ANKRD30B: variants seen among roughly 807,000 people sequenced by gnomAD.
ANKRD30B encodes ankyrin repeat domain 30B, also known as ankyrin repeat domain-containing protein 30B.
In ANKRD30B, 144 loss-of-function variants were observed where a neutral mutation model predicts 202.2. The ratio of observed to expected loss-of-function variants is 0.71; its 90% CI spans 0.62 to 0.82. ANKRD30B has a LOEUF of 0.82. Among genes scored for constraint, ANKRD30B ranks in the 40% least tolerant of loss-of-function variants. The pLI, the probability that ANKRD30B is intolerant of heterozygous loss-of-function variation, is 0.00. For synonymous variants in ANKRD30B, 508 were observed against 561.3 expected (o/e 0.91, Z 1.34); for missense variants, 1,487 against 1,669.1 (o/e 0.89, Z 1.90).
intron 18 of ANKRD30B, among the ~76,000 whole-genome samples, chr18:14,796,755 C>T (rs1281564401): frequency 2.0e-5 from 3 of 148,034 alleles, no homozygotes; most frequent in Non-Finnish European, 3.0e-5. Flanking sequence ...ACCACCTTGT[C>T]GTCCCGTAGT....
intron 34 of ANKRD30B, among the ~76,000 whole-genome samples, chr18:14,834,506 G>T (rs1409152532): frequency 1.3e-5 from 2 of 151,910 alleles, no homozygotes; most frequent in African/African-American, 2.4e-5. Flanking sequence ...TAAAAGATAT[G>T]ATATAAATTA....
chr18:14,901,075 A>G, the ANKRD30B span, among the ~76,000 whole-genome samples: 7 of 152,238 alleles, frequency 4.6e-5, no homozygotes, highest in Non-Finnish European at 8.8e-5. Flanking sequence ...TTCTAAGCTG[A>G]ATAACTAAAT....
chr18:14,885,278 T>C, the ANKRD30B span, among the ~76,000 whole-genome samples: 1 of 152,180 alleles, frequency 6.6e-6, no homozygotes, highest in South Asian at 2.1e-4. Flanking sequence ...AGGCAAAGAC[T>C]TTCTCATGTA....
At chr18:14,911,353 T>C in the ANKRD30B span, among the ~76,000 whole-genome samples, 1 of 152,156 alleles carries the variant, frequency 6.6e-6, no homozygotes, top group Non-Finnish European at 1.5e-5. Context: ...GCAATCCAAT[T>C]TTACCAGAAC....
At chr18:14,864,163 C>T in the ANKRD30B span, among the ~76,000 whole-genome samples, 1 of 152,072 alleles carries the variant, frequency 6.6e-6, no homozygotes, top group African/African-American at 2.4e-5. Flanking sequence ...GGAGAAACCC[C>T]ATTTAGAACT....
At chr18:14,895,995 G>A in the ANKRD30B span, among the ~76,000 whole-genome samples, 5 of 152,272 alleles carry the variant, frequency 3.3e-5, no homozygotes, top group East Asian at 1.9e-4. Flanking sequence ...AAAGCAAAGC[G>A]TGGACCTTAG....
chr18:14,827,422 G>A (rs979568573), intron 32 of ANKRD30B, among the ~76,000 whole-genome samples: 11 of 152,188 alleles, frequency 7.2e-5, no homozygotes, highest in Non-Finnish European at 1.6e-4. Flanking sequence ...CAACTGGTGT[G>A]TGAGGGAAGT....
intron 5 of ANKRD30B, 40 bp from the exon 6 acceptor site, chr18:14,760,514 G>T (rs1915082616): frequency 8.9e-7 from 1 of 1,129,398 alleles, no homozygotes; most frequent in Non-Finnish European, 1.3e-6. Context: ...TTTATATCTT[G>T]TTAAAATAGT....
Position 14,748,637 on chromosome 18 carries a change from A to G in ANKRD30B, c.218A>G (p.Lys73Arg). The G allele has an allele frequency of 6.4e-7, 1 of 1,557,730 alleles. No individual in the cohort carries two copies. Among genetic ancestry groups the G allele is most frequent in the Non-Finnish European group, 8.7e-7 (1 of 1,150,898 alleles). Reference protein sequence around the residue: ...PVNLNKRDMKKRTALHWACVN... With the variant: ...PVNLNKRDMKRRTALHWACVN... ...AACCTGAACAAAAGAGATATGAAGA[A>G]GAGGTACCAGGCCCTGCCTGAGCCG... Residue 73 changes from lysine to arginine, a missense_variant, in exon 1 of 44, where the codon AAG becomes AGG. Physicochemically the swap from Lys to Arg is conservative, Grantham distance 26 (BLOSUM62 2). This residue lies in a region of ANKRD30B where 889 missense variants were observed against 841.4 expected (regional missense o/e 1.06). Coordinates refer to ENST00000690538, the MANE Select transcript of ANKRD30B (RefSeq NM_001367607.2).
At chr18:14,906,156 A>G in the ANKRD30B span, among the ~76,000 whole-genome samples, 7 of 152,144 alleles carry the variant, frequency 4.6e-5, no homozygotes, top group African/African-American at 1.7e-4. Flanking sequence ...TATGCCTGGC[A>G]TGGTCCTGAT....
chr18:14,922,668 A>AG, the ANKRD30B span, among the ~76,000 whole-genome samples: 53 of 151,152 alleles, frequency 3.5e-4, no homozygotes, highest in East Asian at 1.9e-4. Context: ...AAAAAAAAAA[A>AG]AAAGAAAAGA....
intron 4 of ANKRD30B, 22 bp downstream of exon 4, chr18:14,755,027 A>G: frequency 8.0e-7 from 1 of 1,257,330 alleles, no homozygotes. Context: ...CTTTTTTTTT[A>G]CTAAAAAACA....
At chr18:14,829,107 T>C (rs920803641) in intron 33 of ANKRD30B, among the ~76,000 whole-genome samples, 1 of 152,192 alleles carries the variant, frequency 6.6e-6, no homozygotes, top group Middle Eastern at 3.2e-3. Flanking sequence ...CTTTCTTCTC[T>C]GCTTTCCTTG....
chr18:14,888,810 C>T, the ANKRD30B span: 3 of 1,034,934 alleles, frequency 2.9e-6, no homozygotes, highest in Admixed American at 2.1e-5. Flanking sequence ...ATTTCCCCTC[C>T]ATTGTGTGTC....
intron 15 of ANKRD30B, among the ~76,000 whole-genome samples, chr18:14,789,396 G>T (rs1255463303): frequency 1.5e-4 from 23 of 152,034 alleles, no homozygotes; most frequent in South Asian, 1.0e-3. Flanking sequence ...TTAGTTTAAT[G>T]AGATCCCATT....
chr18:14,931,926 T>C, the ANKRD30B span, among the ~76,000 whole-genome samples: 3 of 103,616 alleles, frequency 2.9e-5, no homozygotes, highest in African/African-American at 3.4e-5. Flanking sequence ...TCCCTCCTGC[T>C]CTGTCCCGGG....
intron 8 of ANKRD30B, among the ~76,000 whole-genome samples, chr18:14,770,796 T>G (rs533282014): frequency 2.6e-5 from 4 of 151,342 alleles, no homozygotes; most frequent in Non-Finnish European, 4.4e-5. Context: ...ATGGGCAAAC[T>G]TCAAGCTTTC....
Position 14,852,249 on chromosome 18 carries a change from A to T in ANKRD30B, c.4305A>T (p.Gln1435His), listed in dbSNP as rs1221910835. 7 of 1,558,946 alleles carry T rather than the reference A, an allele frequency of 4.5e-6. No individual in the cohort carries two copies. The highest frequency in any genetic ancestry group is 2.7e-5 in the African/African-American group (2 of 73,052). ...LESKNRWLRQ[Q>H]LVYAHKKVNK... ...GCAAAAATAGGTGGCTTCGACAGCA[A>T]TTAGTTTATGCACATAAGAAAGTTA... Residue 1435 changes from glutamine (Q) to histidine (H), a missense_variant, in exon 42 of 44, where the codon CAA becomes CAT. Physicochemically the swap from Gln to His is conservative, Grantham distance 24. Coordinates refer to ENST00000690538, the MANE Select transcript of ANKRD30B (RefSeq NM_001367607.2).
chr18:14,835,335 A>G (rs1971125978), intron 34 of ANKRD30B, among the ~76,000 whole-genome samples: 1 of 151,532 alleles, frequency 6.6e-6, no homozygotes, highest in African/African-American at 2.4e-5. Flanking sequence ...AAAGTAAAGT[A>G]CCTATTATCA....
Sources: allele counts gnomAD v4.1 joint callset (sites outside exome capture counted in the v4.1 genomes callset), GRCh38; gene constraint gnomAD v4.1.1; regional missense constraint gnomAD v4.1.1; transcripts MANE v1.5; gene names NCBI Gene and HGNC (gene_info 2026-07-23, HGNC 2026-07-21).